Variants in TTC7A observed in about 807,000 individuals in gnomAD.
TTC7A encodes the protein tetratricopeptide repeat domain 7A.
TTC7A carries 110 observed loss-of-function variants against 103.7 expected under a neutral mutation model. The observed-to-expected ratio is 1.06, with a 90% CI of 0.91 to 1.24. The LOEUF is 1.24. Among genes scored for constraint, TTC7A ranks in the 50% most tolerant of loss-of-function variants. TTC7A has a pLI of 0.00. For missense variants in TTC7A, 1,340 were observed against 1,116.3 expected, an observed-to-expected ratio of 1.20 and a Z score of -2.86; for synonymous variants, 521 against 467.9, an observed-to-expected ratio of 1.11 and a Z score of -1.47.
intron 5 of TTC7A, among the ~76,000 whole-genome samples, chr2:46,989,041 G>A (rs1312300127): frequency 2.6e-5 from 4 of 152,176 alleles, no homozygotes; most frequent in Admixed American, 6.5e-5. Context: ...GAAGCTGCAC[G>A]GACTGAGTAA....
intron 3 of TTC7A, chr2:46,958,419 C>T: frequency 1.7e-6 from 2 of 1,174,958 alleles, no homozygotes; most frequent in South Asian, 1.3e-5. Flanking sequence ...CTTCCTCGGG[C>T]TTCCTTTCCG....
chr2:47,054,304 C>A, intron 18 of TTC7A: 1 of 344,254 alleles, frequency 2.9e-6, no homozygotes, highest in Non-Finnish European at 4.1e-6. Context: ...AGCGACTCTT[C>A]TGTCCCTAGG....
intron 19 of TTC7A, among the ~76,000 whole-genome samples, chr2:47,070,372 G>C (rs1684572477): frequency 6.6e-6 from 1 of 152,234 alleles, no homozygotes; most frequent in African/African-American, 2.4e-5. Flanking sequence ...AGCTCCACGT[G>C]GGCAGCATCC....
At position 46,956,924 on chromosome 2, in the gene TTC7A, C is replaced by G. The variant is rs1671909369; in HGVS notation, c.434C>G (p.Ala145Gly). ...TACCGAGATGCCATCAGCATGTACG[C>G]ACGGGCCGGGATTGATGACATGTCC... Reference protein sequence around the residue: ...GSYRDAISMYARAGIDDMSME... With the variant: ...GSYRDAISMYGRAGIDDMSME... Residue 145 changes from alanine to glycine, a missense_variant, in exon 3 of 20, where the codon GCA becomes GGA. Ala to Gly is a moderately conservative substitution (Grantham distance 60). Coordinates refer to ENST00000319190, the MANE Select transcript of TTC7A (RefSeq NM_020458.4). The G allele has an allele frequency of 6.2e-7, 1 of 1,614,092 alleles. No homozygotes were observed. The highest frequency in any genetic ancestry group is 8.5e-7 in the Non-Finnish European group (1 of 1,180,048).
chr2:47,057,031 C>T (rs950667279), intron 18 of TTC7A, among the ~76,000 whole-genome samples: 19 of 152,344 alleles, frequency 1.2e-4, no homozygotes, highest in South Asian at 1.0e-3. Context: ...CTGGCAGCCA[C>T]GGCCAGGCTG....
At chr2:47,019,711 G>A (rs1242902373) in intron 11 of TTC7A, among the ~76,000 whole-genome samples, 1 of 151,632 alleles carries the variant, frequency 6.6e-6, no homozygotes, top group Non-Finnish European at 1.5e-5. Context: ...CTCTCTGCAT[G>A]GGTTGCAGGA....
intron 3 of TTC7A, 80 bp downstream of exon 3, chr2:46,957,087 C>T (rs752606383): frequency 2.5e-5 from 39 of 1,561,614 alleles, no homozygotes; most frequent in Middle Eastern, 1.8e-4. Flanking sequence ...CTGCTGGGCT[C>T]GTGTCCAGAT....
At position 47,060,984 on chromosome 2, in the gene TTC7A, C is replaced by A. The variant is rs376777040; in HGVS notation, c.2355+13C>A. The A allele has an allele frequency of 6.0e-5, 94 of 1,577,008 alleles. No homozygotes were observed. The highest frequency in any genetic ancestry group is 7.7e-5 in the Non-Finnish European group (89 of 1,158,998). ...CATGCATAGCCTGGTGAGTCAGAGC[C>A]CCCCGCGCTCCCACCACCTCCTCCC... On this transcript the variant is annotated intron_variant, in intron 19 of 19. Transcript: ENST00000319190.
At chr2:47,012,355 A>G (rs1036931825) in intron 11 of TTC7A, among the ~76,000 whole-genome samples, 4 of 152,220 alleles carry the variant, frequency 2.6e-5, no homozygotes, top group Non-Finnish European at 4.4e-5. Context: ...CATGATGGAT[A>G]TCAGGCCCTT....
chr2:47,010,064 G>T (rs140755700), intron 10 of TTC7A, among the ~76,000 whole-genome samples: 1 of 152,200 alleles, frequency 6.6e-6, no homozygotes, highest in African/African-American at 2.4e-5. Context: ...CAAGTTACCT[G>T]ACTTCTCCGC....
intron 5 of TTC7A, among the ~76,000 whole-genome samples, chr2:46,979,165 C>T (rs2104271387): frequency 1.3e-5 from 2 of 152,214 alleles, no homozygotes; most frequent in Middle Eastern, 6.8e-3. Context: ...AGAAGAGAAA[C>T]AGGAGTGGGC....
intron 8 of TTC7A, among the ~76,000 whole-genome samples, chr2:47,002,603 G>A (rs572847488): frequency 6.6e-6 from 1 of 152,166 alleles, no homozygotes; most frequent in East Asian, 1.9e-4. Flanking sequence ...ACAGCTGGGG[G>A]TGCTGGGAAG....
intron 3 of TTC7A, among the ~76,000 whole-genome samples, chr2:46,964,964 C>T (rs1240571881): frequency 1.3e-5 from 2 of 152,184 alleles, no homozygotes; most frequent in African/African-American, 4.8e-5. Context: ...CTGGCCGGCT[C>T]GCGTTCTCCT....
rs1310798078 is a variant in TTC7A, at chr2:47,052,412, A to G, written c.2152+532A>G. Among the ~76,000 whole-genome samples, 5 of 152,336 alleles carry G rather than the reference A, an allele frequency of 3.3e-5. No homozygotes were observed. In the East Asian group the frequency reaches 9.6e-4, roughly 29 times the overall value. On this transcript the variant is annotated intron_variant, in intron 18 of 19. Transcript: ENST00000319190. Reference sequence around the variant, plus strand: ...CAGACCTGGGTTCTGAAAGCAGCCCACAGCTGGCTAGCCCTGATCTGAAAC... The same window carrying G: ...CAGACCTGGGTTCTGAAAGCAGCCCGCAGCTGGCTAGCCCTGATCTGAAAC...
chr2:46,945,769 T>G (rs893501504), intron 1 of TTC7A, among the ~76,000 whole-genome samples: 1 of 152,192 alleles, frequency 6.6e-6, no homozygotes, highest in African/African-American at 2.4e-5. Context: ...GGAGATTGTT[T>G]TGAACATTTC....
intron 3 of TTC7A, among the ~76,000 whole-genome samples, chr2:46,973,492 C>A (rs1273336941): frequency 6.6e-6 from 1 of 152,214 alleles, no homozygotes; most frequent in African/African-American, 2.4e-5. Context: ...CTCCCACTGC[C>A]GCAGGTTGCC....
At chr2:46,994,564 G>C in intron 7 of TTC7A, 50 bp downstream of exon 7, 1 of 1,592,684 alleles carries the variant, frequency 6.3e-7, no homozygotes, top group East Asian at 2.2e-5. Context: ...ATCTCACGCA[G>C]GGTTCTGTCC....
At chr2:47,014,232 C>T (rs1170390288) in intron 11 of TTC7A, among the ~76,000 whole-genome samples, 2 of 152,144 alleles carry the variant, frequency 1.3e-5, no homozygotes, top group Non-Finnish European at 2.9e-5. Flanking sequence ...CCCTCTCCCC[C>T]ACAGGAAGCC....
chr2:46,931,275 A>AG (rs1669686432), intron 2 of TTC7A, among the ~76,000 whole-genome samples: 1 of 152,220 alleles, frequency 6.6e-6, no homozygotes. Flanking sequence ...AAATATAGAC[A>AG]GGGTCTGGCT....
Sources: allele counts gnomAD v4.1 joint callset (sites outside exome capture counted in the v4.1 genomes callset), GRCh38; gene constraint gnomAD v4.1.1; transcripts MANE v1.5; gene names NCBI Gene and HGNC (gene_info 2026-07-23, HGNC 2026-07-21).